Variants in GRM3 observed in about 807,000 individuals in gnomAD.
GRM3 encodes metabotropic glutamate receptor 3.
GRM3 carries 26 observed loss-of-function variants against 70.5 expected under a neutral mutation model. The observed-to-expected ratio is 0.37, with a 90% CI of 0.27 to 0.51. GRM3 has a LOEUF of 0.51. GRM3 is among the 20% of genes least tolerant of loss of function. The pLI, the probability that GRM3 is intolerant of heterozygous loss-of-function variation, is 0.93. For synonymous variants in GRM3, 443 were observed against 434.9 expected (o/e 1.02, Z -0.23); for missense variants, 859 against 1,123.8 (o/e 0.76, Z 3.37).
At chr7:86,713,523 T>C (rs73398484) in intron 1 of GRM3, among the ~76,000 whole-genome samples, 7,844 of 151,876 alleles carry the variant, frequency 0.052, 283 homozygotes, top group African/African-American at 0.1. Flanking sequence ...ATACCTTTGC[T>C]CATGTTATTG....
intron 1 of GRM3, among the ~76,000 whole-genome samples, chr7:86,728,581 G>A (rs771756489): frequency 6.6e-6 from 1 of 152,132 alleles, no homozygotes; most frequent in Non-Finnish European, 1.5e-5. Flanking sequence ...TCCTGGCATG[G>A]TGCTGTACAG....
intron 1 of GRM3, among the ~76,000 whole-genome samples, chr7:86,673,410 T>C (rs1794223355): frequency 6.6e-6 from 1 of 152,106 alleles, no homozygotes; most frequent in African/African-American, 2.4e-5. Flanking sequence ...TCTTTCCTCC[T>C]TCTTACCGGT....
chr7:86,717,347 G>A (rs1257101691), intron 1 of GRM3, among the ~76,000 whole-genome samples: 1 of 151,940 alleles, frequency 6.6e-6, no homozygotes, highest in African/African-American at 2.4e-5. Context: ...TCAAGTATGT[G>A]TGAGCAATGA....
intron 1 of GRM3, among the ~76,000 whole-genome samples, chr7:86,679,790 C>T (rs2299214): frequency 0.29 from 44,553 of 151,708 alleles, 8,497 homozygotes; most frequent in East Asian, 0.72. Flanking sequence ...AAAACCTGCC[C>T]GGGGAGGTTT....
chr7:86,786,142 A>C lies in GRM3; in HGVS notation c.469-119A>C. 1.2e-6 allele frequency: 1 copy of C among 813,140 alleles called. No individual in the cohort carries two copies. Among genetic ancestry groups the C allele is most frequent in the Non-Finnish European group, 2.0e-6 (1 of 503,336 alleles). The allele number at this position is 813,140 out of a possible 1,614,324, so 50.4% of individuals were successfully genotyped here. A position where few individuals can be genotyped will look rare whatever the true frequency, so the allele number is the denominator to read the frequency against. On this transcript the variant is annotated intron_variant, in intron 2 of 5. Transcript: ENST00000361669. The surrounding 1 kb of genome is among the most constrained non-coding windows in gnomAD (Gnocchi z 6.0). Reference sequence around the variant, plus strand: ...ATCTCAAGAACTAACAGAAAAATGTAGCCATCTAGAGTAGAGGGAAAAGGG... The same window carrying C: ...ATCTCAAGAACTAACAGAAAAATGTCGCCATCTAGAGTAGAGGGAAAAGGG...
intron 1 of GRM3, among the ~76,000 whole-genome samples, chr7:86,704,825 T>A (rs1795021528): frequency 6.6e-6 from 1 of 151,948 alleles, no homozygotes; most frequent in African/African-American, 2.4e-5. Flanking sequence ...CTGTTCAGAC[T>A]GTATCAAACA....
chr7:86,840,054 A>G (rs943884493), intron 4 of GRM3, 149 bp downstream of exon 4: 2 of 611,490 alleles, frequency 3.3e-6, no homozygotes, highest in African/African-American at 3.7e-5. Flanking sequence ...GTTAAAATTA[A>G]TTATGTATGT....
intron 1 of GRM3, among the ~76,000 whole-genome samples, chr7:86,706,408 T>C (rs1044634477): frequency 6.6e-6 from 1 of 152,014 alleles, no homozygotes; most frequent in Admixed American, 6.6e-5. Flanking sequence ...ACAGAGAGGA[T>C]AGACACACAA....
chr7:86,754,049 C>A (rs1796290097), intron 1 of GRM3, among the ~76,000 whole-genome samples: 1 of 152,058 alleles, frequency 6.6e-6, no homozygotes, highest in Non-Finnish European at 1.5e-5. Context: ...GTTCTAAGGT[C>A]ACTTAAATGA....
intron 3 of GRM3, among the ~76,000 whole-genome samples, chr7:86,790,954 CT>C (rs1797398843): frequency 6.6e-6 from 1 of 152,036 alleles, no homozygotes; most frequent in South Asian, 2.1e-4. Context: ...TTCTGTCATA[CT>C]ACATCATCTA....
At chr7:86,696,597 C>G (rs1308315273) in intron 1 of GRM3, among the ~76,000 whole-genome samples, 2 of 152,154 alleles carry the variant, frequency 1.3e-5, no homozygotes, top group East Asian at 3.9e-4. Flanking sequence ...GCAGCAATAG[C>G]ATACTAATAT....
At chr7:86,826,042 C>T (rs1038825734) in intron 3 of GRM3, among the ~76,000 whole-genome samples, 1 of 152,138 alleles carries the variant, frequency 6.6e-6, no homozygotes, top group Non-Finnish European at 1.5e-5. Flanking sequence ...TTCTAGCCAA[C>T]TTTGTTTGGG....
chr7:86,727,061 C>G (rs900568140), intron 1 of GRM3, among the ~76,000 whole-genome samples: 1 of 152,154 alleles, frequency 6.6e-6, no homozygotes, highest in Non-Finnish European at 1.5e-5. Flanking sequence ...GAATAAGACA[C>G]AGTTCTCTTT....
At chr7:86,708,223 T>C (rs1041840475) in intron 1 of GRM3, among the ~76,000 whole-genome samples, 5 of 152,124 alleles carry the variant, frequency 3.3e-5, no homozygotes, top group Non-Finnish European at 7.4e-5. Flanking sequence ...AGCCCCCTTC[T>C]TGACACTTGA....
intron 1 of GRM3, among the ~76,000 whole-genome samples, chr7:86,728,962 C>T (rs535559268): frequency 2.0e-5 from 3 of 152,270 alleles, no homozygotes; most frequent in African/African-American, 7.2e-5. Flanking sequence ...ATAAAAAAAG[C>T]ACCTTCCAAG....
chr7:86,829,653 A>G (rs1474210244), intron 3 of GRM3, among the ~76,000 whole-genome samples: 1 of 152,220 alleles, frequency 6.6e-6, no homozygotes, highest in Non-Finnish European at 1.5e-5. Context: ...TGAAGCAATC[A>G]GAATCAGCAA....
At chr7:86,751,757 T>C (rs1252918122) in intron 1 of GRM3, among the ~76,000 whole-genome samples, 2 of 152,110 alleles carry the variant, frequency 1.3e-5, no homozygotes, top group Non-Finnish European at 2.9e-5. Flanking sequence ...ACTGGCTTGC[T>C]ATTATAATGA....
intron 1 of GRM3, among the ~76,000 whole-genome samples, chr7:86,680,235 A>T (rs1238703859): frequency 1.3e-5 from 2 of 152,150 alleles, no homozygotes; most frequent in African/African-American, 4.8e-5. Flanking sequence ...TTTGAAAGAA[A>T]ATATTTAAGA....
intron 1 of GRM3, among the ~76,000 whole-genome samples, chr7:86,741,920 G>A (rs1795999986): frequency 6.6e-6 from 1 of 152,138 alleles, no homozygotes. Context: ...CTTCTCAGTT[G>A]TTCCAGTTAT....
Sources: gnomAD v4.1 joint callset for allele counts (sites outside exome capture counted in the v4.1 genomes callset) on GRCh38, gnomAD v4.1.1 for gene constraint, Gnocchi (gnomAD v3.1) non-coding constraint, MANE v1.5 for transcripts, NCBI Gene and HGNC (gene_info 2026-07-23, HGNC 2026-07-21) for gene names.